AGAP2: variants seen among roughly 807,000 people sequenced by gnomAD.
AGAP2 encodes the protein ArfGAP with GTPase domain, ankyrin repeat and PH domain 2, also known as arf-GAP with GTPase, ANK repeat and PH domain-containing protein 2.
In AGAP2, 32 loss-of-function variants were observed where a neutral mutation model predicts 110.9. The ratio of observed to expected loss-of-function variants is 0.29; its 90% CI spans 0.22 to 0.39. AGAP2 has a LOEUF of 0.39. Ranked by LOEUF, AGAP2 falls within the 10% of genes least tolerant of loss-of-function variation. AGAP2 has a pLI of 1.00. For synonymous variants in AGAP2, 702 were observed against 713.0 expected, an observed-to-expected ratio of 0.98 and a Z score of 0.25; for missense variants, 1,285 against 1,638.5, an observed-to-expected ratio of 0.78 and a Z score of 3.72.
Position 57,725,806 on chromosome 12 carries a change from C to T in AGAP2, c.*746G>A, listed in dbSNP as rs1205531160. 6.6e-6 allele frequency: 1 copy of T among 151,476 alleles called. No individual in the cohort carries two copies. Among genetic ancestry groups the T allele is most frequent in the Non-Finnish European group, 1.5e-5 (1 of 67,858 alleles). 9.4% of individuals were successfully genotyped at this position (151,476 alleles called of 1,614,324 possible). ...GAACAAAGCAATAAATTACAAGGCC[C>T]CCGCAGCCCTCTTAGCCCGCTCCTG... is the stretch of plus-strand genomic sequence containing the variant. On this transcript the variant is annotated 3_prime_UTR_variant, in exon 19 of 19. Coordinates refer to ENST00000547588, the MANE Select transcript of AGAP2 (RefSeq NM_001122772.3).
Position 57,737,778 on chromosome 12 carries a change from C to T in AGAP2, c.469G>A (p.Gly157Ser), listed in dbSNP as rs1227372996. The change falls in exon 1 of 19, where the codon GGC becomes AGC. Residue 157 changes from glycine (G) to serine (S), a missense_variant. By Grantham distance (56) the Gly-to-Ser change is moderately conservative (BLOSUM62 0). This residue lies in a region of AGAP2 where 844 missense variants were observed against 941.2 expected (regional missense o/e 0.90). Coordinates refer to ENST00000547588, the MANE Select transcript of AGAP2 (RefSeq NM_001122772.3). The surrounding 1 kb of genome is among the most constrained non-coding windows in gnomAD (Gnocchi z 5.9). Reference sequence around the variant, plus strand: ...CCAGGGATGCCGCCGCCCGCCCGGCCTTCGGGCTCCGGGCCGCCCCAGCTC... The same window carrying T: ...CCAGGGATGCCGCCGCCCGCCCGGCTTTCGGGCTCCGGGCCGCCCCAGCTC... The part of the protein sequence containing the change: ...SPSWGGPEPE[G>S]RAGGGIPGSS... 1.3e-6 allele frequency: 2 copies of T among 1,531,494 alleles called. No individual in the cohort carries two copies. Among genetic ancestry groups the T allele is most frequent in the Non-Finnish European group, 1.7e-6 (2 of 1,145,098 alleles). The allele number at this position is 1,531,494 out of a possible 1,614,324, so 94.9% of individuals were successfully genotyped here. A position where few individuals can be genotyped will look rare whatever the true frequency, so the allele number is the denominator to read the frequency against.
At chr12:57,730,689 C>A in intron 11 of AGAP2, 75 bp from the exon 12 acceptor site, 2 of 1,605,498 alleles carry the variant, frequency 1.2e-6, no homozygotes, top group Non-Finnish European at 8.5e-7. Flanking sequence ...TCTTTATCAC[C>A]CAGCTTCCTA....
intron 6 of AGAP2, 112 bp from the exon 7 acceptor site, chr12:57,732,624 C>A: frequency 7.7e-7 from 1 of 1,293,428 alleles, no homozygotes; most frequent in Non-Finnish European, 1.1e-6. Flanking sequence ...ACTTCCTTGT[C>A]ACTGTGGCCT....
rs1954994107 is a variant in AGAP2 at position 57,737,007 on chromosome 12, T to A, written c.1168+72A>T. The stretch of plus-strand genomic sequence containing the variant: ...AAAAGCTTCCCTAGTTTCCTGGACC[T>A]CGCTCCTCCACCCCAAGCTGAGCAT... On this transcript the variant is annotated intron_variant, in intron 1 of 18. Transcript: ENST00000547588. This position sits in a 1 kb window ranked among gnomAD's most constrained non-coding sequence, Gnocchi z 5.9. The A allele has an allele frequency of 6.9e-7, 1 of 1,448,262 alleles. No homozygotes were observed. Among genetic ancestry groups the A allele is most frequent in the Admixed American group, 2.9e-5 (1 of 34,900 alleles). 89.7% of individuals were successfully genotyped at this position (1,448,262 alleles called of 1,614,324 possible).
intron 4 of AGAP2, 51 bp downstream of exon 4, chr12:57,734,268 T>G: frequency 6.2e-7 from 1 of 1,613,588 alleles, no homozygotes; most frequent in Non-Finnish European, 8.5e-7. Context: ...GCCCTCTCCT[T>G]TGGCCAGTGC....
At chr12:57,741,903 T>C, upstream of AGAP2, 1 of 1,611,642 alleles carries the variant, frequency 6.2e-7, no homozygotes, top group Non-Finnish European at 8.5e-7. Context: ...GGGCTGACCT[T>C]TCTCTTACCT....
rs775452803 is a variant in AGAP2 at position 57,731,460 on chromosome 12, A to G, written c.2051T>C (p.Leu684Pro). ...RAIPIKQSFLLKRSGNSLNKE... is the reference protein window; with the variant it reads ...RAIPIKQSFLPKRSGNSLNKE... Reference sequence around the variant, plus strand: ...GTTCAAGGAATTGCCACTTCGTTTTAGTAGGAAGCTCTGGAGAAAGGGGAA... The same window carrying G: ...GTTCAAGGAATTGCCACTTCGTTTTGGTAGGAAGCTCTGGAGAAAGGGGAA... Residue 684 changes from leucine to proline, a missense_variant, in exon 10 of 19, where the codon CTA (leucine) becomes CCA (proline). Physicochemically the swap from Leu to Pro is moderately conservative, Grantham distance 98 (BLOSUM62 -3). Coordinates refer to ENST00000547588, the MANE Select transcript of AGAP2 (RefSeq NM_001122772.3). 6.2e-7 allele frequency: 1 copy of G among 1,614,124 alleles called. No homozygotes were observed. The highest frequency in any genetic ancestry group is 8.5e-7 in the Non-Finnish European group (1 of 1,180,012).
chr12:57,741,954 C>T (rs1391521616), upstream of AGAP2: 20 of 1,614,024 alleles, frequency 1.2e-5, 1 homozygote, highest in South Asian at 2.2e-5. Flanking sequence ...TCCTGGAGTT[C>T]GGGGTCGTCC....
upstream of AGAP2, among the ~76,000 whole-genome samples, chr12:57,741,531 C>G (rs1955076653): frequency 6.6e-6 from 1 of 152,056 alleles, no homozygotes; most frequent in Non-Finnish European, 1.5e-5. Flanking sequence ...CTTTGTGGGT[C>G]CTGGGAATGA....
chr12:57,736,037 G>T (rs548832307), intron 1 of AGAP2, among the ~76,000 whole-genome samples: 1 of 152,332 alleles, frequency 6.6e-6, no homozygotes, highest in Non-Finnish European at 1.5e-5. Flanking sequence ...CTGTGGGGAA[G>T]GGCTCCATCG....
upstream of AGAP2, among the ~76,000 whole-genome samples, chr12:57,738,802 A>T (rs1299130200): frequency 1.1e-5 from 1 of 93,036 alleles, no homozygotes; most frequent in Non-Finnish European, 2.1e-5. This position sits in a 1 kb window ranked among gnomAD's most constrained non-coding sequence, Gnocchi z 6.7. Context: ...ATGGAGATAC[A>T]GGAGGCGGCG....
At position 57,737,710 on chromosome 12, in the gene AGAP2, C is replaced by T; in HGVS notation, c.537G>A (p.Lys179=). Reference sequence around the variant, plus strand: ...TGGGAGCCGGCGGAGGAGGCGCCACCTTGAGCCTCCGGCTGCCGGTGCCAG... The same window carrying T: ...TGGGAGCCGGCGGAGGAGGCGCCACTTTGAGCCTCCGGCTGCCGGTGCCAG... ...PHPGTGSRRL[K]VAPPPPAPKP... is the part of the protein sequence containing the mutation. Residue 179 remains lysine, a synonymous_variant, in exon 1 of 19, where the codon AAG becomes AAA. Coordinates refer to ENST00000547588, the MANE Select transcript of AGAP2 (RefSeq NM_001122772.3). This position sits in a 1 kb window ranked among gnomAD's most constrained non-coding sequence, Gnocchi z 5.9. 6.5e-7 allele frequency: 1 copy of T among 1,549,182 alleles called. No individual in the cohort carries two copies. The highest frequency in any genetic ancestry group is 8.7e-7 in the Non-Finnish European group (1 of 1,150,830).
chr12:57,730,442 ACT>A (rs1595085444), intron 12 of AGAP2, 51 bp downstream of exon 12: 5 of 1,605,716 alleles, frequency 3.1e-6, no homozygotes, highest in Non-Finnish European at 4.2e-6. Context: ...CATTTCCCAC[ACT>A]CATCCTATTT....
At position 57,726,300 on chromosome 12, in the gene AGAP2, C is replaced by G. The variant is rs933481976; in HGVS notation, c.*252G>C. The G allele has an allele frequency of 3.8e-6, 1 of 264,546 alleles. No homozygotes were observed. Among genetic ancestry groups the G allele is most frequent in the African/African-American group, 2.3e-5 (1 of 43,932 alleles). The allele number at this position is 264,546 out of a possible 1,614,324, so 16.4% of individuals were successfully genotyped here. A position where few individuals can be genotyped will look rare whatever the true frequency, so the allele number is the denominator to read the frequency against. On this transcript the variant is annotated 3_prime_UTR_variant, in exon 19 of 19. Transcript: ENST00000547588. The surrounding 1 kb of genome is among the most constrained non-coding windows in gnomAD (Gnocchi z 5.7). Reference sequence around the variant, plus strand: ...TTCCGCGAACCCCGAGCGGGTAGACCCAGAGCAATCCGAGTGTGGAAACAA... The same window carrying G: ...TTCCGCGAACCCCGAGCGGGTAGACGCAGAGCAATCCGAGTGTGGAAACAA...
At chr12:57,734,850 G>GA (rs1954950646) in intron 2 of AGAP2, among the ~76,000 whole-genome samples, 171 bp from the exon 3 acceptor site, 1 of 152,032 alleles carries the variant, frequency 6.6e-6, no homozygotes, top group South Asian at 2.1e-4. Flanking sequence ...CAGCTGGGGG[G>GA]ATCAGAGCAG....
Position 57,737,700 on chromosome 12 carries a change from G to A in AGAP2, c.547C>T (p.Pro183Ser). The change falls in exon 1 of 19, where the codon CCT (proline) becomes TCT (serine). Residue 183 changes from proline to serine, a missense_variant. Transcript: ENST00000547588. The surrounding 1 kb of genome is among the most constrained non-coding windows in gnomAD (Gnocchi z 5.9). ...TTGCAAGGCTTGGGAGCCGGCGGAG[G>A]AGGCGCCACCTTGAGCCTCCGGCTG... is the stretch of plus-strand genomic sequence containing the variant. The part of the protein sequence containing the change: ...TGSRRLKVAP[P>S]PPAPKPCKTV... 6.5e-7 allele frequency: 1 copy of A among 1,550,050 alleles called. No individual in the cohort carries two copies. The highest frequency in any genetic ancestry group is 1.2e-5 in the South Asian group (1 of 84,394).
At chr12:57,733,894 T>C in intron 5 of AGAP2, 132 bp downstream of exon 5, 1 of 1,018,380 alleles carries the variant, frequency 9.8e-7, no homozygotes, top group East Asian at 2.7e-5. Flanking sequence ...GAGACCAGGC[T>C]CCCTCCAGAA....
chr12:57,727,020 A>G lies in AGAP2; in HGVS notation c.3290T>C (p.Leu1097Pro). 6.2e-7 allele frequency: 1 copy of G among 1,608,072 alleles called. No individual in the cohort carries two copies. The highest frequency in any genetic ancestry group is 8.5e-7 in the Non-Finnish European group (1 of 1,177,640). The change falls in exon 18 of 19, where the codon CTG becomes CCG. Residue 1097 changes from leucine to proline, a missense_variant. Around this residue, in one of 7 missense-constraint regions of AGAP2, gnomAD observed 201 missense variants for 276.1 expected, o/e 0.73. Transcript: ENST00000547588. ...GACGACGTGGGCGAGCTCGGCCGCC[A>G]GGTGGAGTGGGGAGCGCAGCTGTGG... ...EDPQLRSPLH[L>P]AAELAHVVIT...
rs1001238887 is a variant in AGAP2 at position 57,726,463 on chromosome 12, G to C, written c.*89C>G. On this transcript the variant is annotated 3_prime_UTR_variant, in exon 19 of 19. Transcript: ENST00000547588. This position sits in a 1 kb window ranked among gnomAD's most constrained non-coding sequence, Gnocchi z 5.7. ...CCCGTGGGGCGGGGTGCGGATCGGAGAGGTGAGTGGGTGCGTCTGTCCAGC... is the reference window on the plus strand; with the variant it reads ...CCCGTGGGGCGGGGTGCGGATCGGACAGGTGAGTGGGTGCGTCTGTCCAGC... 2 of 1,118,422 alleles carry C rather than the reference G, an allele frequency of 1.8e-6. No homozygotes were observed. The highest frequency in any genetic ancestry group is 9.7e-5 in the Admixed American group (2 of 20,532). 69.3% of individuals were successfully genotyped at this position (1,118,422 alleles called of 1,614,324 possible).
Sources: allele counts gnomAD v4.1 joint callset (sites outside exome capture counted in the v4.1 genomes callset), GRCh38; gene constraint gnomAD v4.1.1; regional missense constraint gnomAD v4.1.1; non-coding constraint Gnocchi (gnomAD v3.1); transcripts MANE v1.5; gene names NCBI Gene and HGNC (gene_info 2026-07-23, HGNC 2026-07-21).